Variants in SCHIP1 observed in about 807,000 individuals in gnomAD.
SCHIP1 encodes the protein schwannomin-interacting protein 1.
In SCHIP1, 8 loss-of-function variants were observed where a neutral mutation model predicts 29.7. That is an observed-to-expected ratio of 0.27 (90% CI 0.16 to 0.49). The LOEUF is 0.49. SCHIP1 is among the 20% of genes least tolerant of loss of function. SCHIP1 has a pLI of 0.99. For missense variants in SCHIP1, 193 were observed against 294.6 expected, an observed-to-expected ratio of 0.66 and a Z score of 2.52; for synonymous variants, 76 against 94.9, an observed-to-expected ratio of 0.80 and a Z score of 1.16.
the SCHIP1 span, among the ~76,000 whole-genome samples, chr3:159,548,811 T>A: frequency 2.0e-5 from 3 of 152,148 alleles, no homozygotes. Context: ...TTTTCATCTT[T>A]GAACATAGAT....
the SCHIP1 span, chr3:159,764,831 A>G: frequency 1.3e-6 from 2 of 1,589,686 alleles, no homozygotes; most frequent in South Asian, 1.1e-5. This position sits in a 1 kb window ranked among gnomAD's most constrained non-coding sequence, Gnocchi z 6.1. Context: ...CCCAACGGCA[A>G]CCTCCACCAG....
chr3:159,563,263 T>C, the SCHIP1 span, among the ~76,000 whole-genome samples: 3 of 152,148 alleles, frequency 2.0e-5, no homozygotes, highest in Non-Finnish European at 2.9e-5. Flanking sequence ...TAATCCTCAA[T>C]TATGTCTCCA....
the SCHIP1 span, among the ~76,000 whole-genome samples, chr3:159,276,254 G>T: frequency 6.6e-6 from 1 of 152,224 alleles, no homozygotes; most frequent in Non-Finnish European, 1.5e-5. Context: ...AGAAGTTCCA[G>T]TAGGGAAGAG....
chr3:159,444,764 G>A, the SCHIP1 span, among the ~76,000 whole-genome samples: 1 of 152,186 alleles, frequency 6.6e-6, no homozygotes, highest in South Asian at 2.1e-4. Flanking sequence ...TCTCAGAGAA[G>A]GCAGTACTTG....
chr3:159,468,969 T>C, the SCHIP1 span, among the ~76,000 whole-genome samples: 7 of 151,796 alleles, frequency 4.6e-5, no homozygotes, highest in East Asian at 1.4e-3. Context: ...GGTTTCACCG[T>C]GTTAGCCCGG....
the SCHIP1 span, among the ~76,000 whole-genome samples, chr3:159,314,019 G>A: frequency 1.3e-5 from 2 of 152,270 alleles, no homozygotes; most frequent in East Asian, 3.9e-4. Context: ...TATCACTAGT[G>A]ATATTATCTT....
chr3:159,324,492 A>G, the SCHIP1 span, among the ~76,000 whole-genome samples: 1 of 152,092 alleles, frequency 6.6e-6, no homozygotes, highest in African/African-American at 2.4e-5. Context: ...CATGTGTTAA[A>G]TAATTTTTTT....
chr3:159,496,438 A>G, the SCHIP1 span, among the ~76,000 whole-genome samples: 3 of 152,082 alleles, frequency 2.0e-5, no homozygotes, highest in African/African-American at 7.2e-5. Flanking sequence ...TCAAAAAGTA[A>G]GCGAAGGATA....
chr3:159,740,112 G>A, the SCHIP1 span, among the ~76,000 whole-genome samples: 2 of 152,224 alleles, frequency 1.3e-5, no homozygotes, highest in Non-Finnish European at 2.9e-5. Flanking sequence ...GTGGCCCCCA[G>A]ACTGACCTCA....
intron 2 of SCHIP1, among the ~76,000 whole-genome samples, chr3:159,880,437 C>CT (rs1716319017): frequency 6.6e-6 from 1 of 152,198 alleles, no homozygotes; most frequent in Non-Finnish European, 1.5e-5. Context: ...TTCCAATGCT[C>CT]TGTGTATTCC....
chr3:159,864,811 T>C (rs1222393922), intron 1 of SCHIP1, among the ~76,000 whole-genome samples: 7 of 152,210 alleles, frequency 4.6e-5, no homozygotes, highest in Non-Finnish European at 1.0e-4. Flanking sequence ...TTTTATTCTG[T>C]GCTGTCTAGT....
chr3:159,533,295 A>G, the SCHIP1 span, among the ~76,000 whole-genome samples: 2 of 152,132 alleles, frequency 1.3e-5, no homozygotes, highest in South Asian at 2.1e-4. Context: ...TCCCCGTGAG[A>G]GAAAACAGAG....
the SCHIP1 span, among the ~76,000 whole-genome samples, chr3:159,402,320 T>C: frequency 1.3e-5 from 2 of 152,192 alleles, no homozygotes; most frequent in African/African-American, 2.4e-5. Flanking sequence ...GGAACACTTT[T>C]ACAGTGTTGG....
the SCHIP1 span, among the ~76,000 whole-genome samples, chr3:159,417,114 T>C: frequency 3.3e-5 from 5 of 152,230 alleles, no homozygotes; most frequent in Non-Finnish European, 4.4e-5. Flanking sequence ...ATTACAAGTG[T>C]CATATTTCAG....
the SCHIP1 span, among the ~76,000 whole-genome samples, chr3:159,325,397 T>G: frequency 6.6e-6 from 1 of 152,112 alleles, no homozygotes; most frequent in East Asian, 1.9e-4. Flanking sequence ...TCTTTGATAT[T>G]TGAAGAGAGG....
the SCHIP1 span, among the ~76,000 whole-genome samples, chr3:159,601,297 A>G: frequency 6.6e-6 from 1 of 152,070 alleles, no homozygotes; most frequent in Non-Finnish European, 1.5e-5. Flanking sequence ...TAGCTGTGGT[A>G]TGGAATCACC....
At chr3:159,555,419 T>C in the SCHIP1 span, among the ~76,000 whole-genome samples, 1 of 152,226 alleles carries the variant, frequency 6.6e-6, no homozygotes, top group Non-Finnish European at 1.5e-5. Flanking sequence ...GGTTCAGAGC[T>C]GAAAGCATCT....
the SCHIP1 span, among the ~76,000 whole-genome samples, chr3:159,795,517 G>A: frequency 6.6e-6 from 1 of 152,180 alleles, no homozygotes; most frequent in African/African-American, 2.4e-5. Context: ...AGACATCACG[G>A]CCAGTAAGGG....
At chr3:159,348,337 A>G in the SCHIP1 span, among the ~76,000 whole-genome samples, 1 of 152,260 alleles carries the variant, frequency 6.6e-6, no homozygotes, top group South Asian at 2.1e-4. Context: ...TAGATGTCAT[A>G]TAAATTTTGA....
Sources: gnomAD v4.1 joint callset for allele counts (sites outside exome capture counted in the v4.1 genomes callset) on GRCh38, gnomAD v4.1.1 for gene constraint, Gnocchi (gnomAD v3.1) non-coding constraint, MANE v1.5 for transcripts, NCBI Gene and HGNC (gene_info 2026-07-23, HGNC 2026-07-21) for gene names.